KPNA7: variants seen among roughly 807,000 people sequenced by gnomAD.
KPNA7 encodes karyopherin subunit alpha 7, also known as importin subunit alpha-8.
Under a neutral mutation model 53.7 loss-of-function variants are expected in KPNA7, and 54 were observed. The ratio of observed to expected loss-of-function variants is 1.01; its 90% CI spans 0.81 to 1.26. KPNA7 has a LOEUF of 1.26. Ranked by LOEUF, KPNA7 falls within the 50% of genes most tolerant of loss-of-function variation. The pLI is 0.00. For synonymous variants in KPNA7, 276 were observed against 259.3 expected (o/e 1.06, Z -0.62); for missense variants, 640 against 644.5 (o/e 0.99, Z 0.07).
intron 5 of KPNA7, among the ~76,000 whole-genome samples, chr7:99,194,125 C>T (rs528897940): frequency 1.3e-5 from 2 of 152,232 alleles, no homozygotes; most frequent in South Asian, 2.1e-4. Context: ...TGCTAATAGT[C>T]GGCTGATCTT....
the KPNA7 span, among the ~76,000 whole-genome samples, chr7:99,160,023 T>TG: frequency 2.7e-5 from 2 of 75,298 alleles, no homozygotes; most frequent in African/African-American, 3.5e-5. Flanking sequence ...TTTTGTTTTT[T>TG]TTTTTTTTTT....
intron 9 of KPNA7, among the ~76,000 whole-genome samples, chr7:99,179,349 G>A (rs542364023): frequency 2.2e-4 from 34 of 151,956 alleles, no homozygotes; most frequent in African/African-American, 8.0e-4. Context: ...TTGAGCCCAG[G>A]ACTTTGAGAC....
At chr7:99,201,555 C>T (rs1233351947) in intron 3 of KPNA7, among the ~76,000 whole-genome samples, 17 of 150,862 alleles carry the variant, frequency 1.1e-4, no homozygotes, top group Admixed American at 9.3e-4. Context: ...CCTAGCTACT[C>T]GGGAGGCTGA....
the KPNA7 span, among the ~76,000 whole-genome samples, chr7:99,159,341 A>G: frequency 3.5e-4 from 32 of 90,372 alleles, no homozygotes; most frequent in African/African-American, 1.4e-3. Flanking sequence ...ACAGGGAGAC[A>G]CTGTCTCAAA....
At chr7:99,184,247 C>T (rs952417849) in intron 8 of KPNA7, among the ~76,000 whole-genome samples, 7 of 151,254 alleles carry the variant, frequency 4.6e-5, no homozygotes, top group Non-Finnish European at 7.4e-5. Flanking sequence ...CTTGACCTCC[C>T]GGGCTCAATT....
At chr7:99,148,937 C>A in the KPNA7 span, among the ~76,000 whole-genome samples, 1 of 149,756 alleles carries the variant, frequency 6.7e-6, no homozygotes, top group Admixed American at 6.7e-5. Context: ...GCAGTGTCGC[C>A]CAGGCTGGAG....
intron 6 of KPNA7, among the ~76,000 whole-genome samples, chr7:99,192,580 T>G (rs1305342220): frequency 2.0e-5 from 3 of 152,100 alleles, no homozygotes; most frequent in Non-Finnish European, 4.4e-5. Context: ...GCTCAGCTAA[T>G]TTTTTTATTT....
At chr7:99,160,072 T>A in the KPNA7 span, among the ~76,000 whole-genome samples, 5 of 140,220 alleles carry the variant, frequency 3.6e-5, no homozygotes, top group Non-Finnish European at 7.6e-5. Flanking sequence ...TTGCCCAGGT[T>A]GGAGTGCAGT....
the KPNA7 span, among the ~76,000 whole-genome samples, chr7:99,161,698 CCA>C: frequency 6.6e-6 from 1 of 152,134 alleles, no homozygotes; most frequent in Non-Finnish European, 1.5e-5. Flanking sequence ...CTTATGAGCT[CCA>C]GTTTACTTGG....
chr7:99,150,571 C>T, the KPNA7 span, among the ~76,000 whole-genome samples: 6,658 of 152,032 alleles, frequency 0.044, 180 homozygotes, highest in Middle Eastern at 0.068. Context: ...TGCACCACTA[C>T]GCCTGGCTAA....
At chr7:99,191,690 C>T (rs968867302) in intron 6 of KPNA7, among the ~76,000 whole-genome samples, 3 of 151,692 alleles carry the variant, frequency 2.0e-5, no homozygotes, top group Non-Finnish European at 4.4e-5. Context: ...TGCTCTGTTG[C>T]CCAGGCTGGG....
At chr7:99,186,480 G>A (rs1237237323) in intron 7 of KPNA7, among the ~76,000 whole-genome samples, 8 of 152,120 alleles carry the variant, frequency 5.3e-5, no homozygotes, top group Admixed American at 5.2e-4. Context: ...CAACTTCTTA[G>A]AGAATTTACT....
At position 99,178,259 on chromosome 7, in the gene KPNA7, C is replaced by T. The variant is rs970030973; in HGVS notation, c.1318-193G>A. Among the ~76,000 whole-genome samples the T allele has an allele frequency of 5.9e-5, 9 of 152,080 alleles. No homozygotes were observed. The East Asian group carries it at 1.2e-3, about 20-fold the overall frequency. On this transcript the variant is annotated intron_variant, in intron 9 of 10. Transcript: ENST00000327442. ...ATCTTCCTCCCACTTTAGGTATCCA[C>T]GATATATAGACATATATCATAAATA...
intron 3 of KPNA7, among the ~76,000 whole-genome samples, chr7:99,197,134 A>G (rs1210295718): frequency 6.6e-6 from 1 of 152,178 alleles, no homozygotes; most frequent in Non-Finnish European, 1.5e-5. Context: ...CAGAATTGTC[A>G]ACTGCCTGGC....
intron 8 of KPNA7, among the ~76,000 whole-genome samples, chr7:99,183,320 G>A (rs1789378941): frequency 6.6e-6 from 1 of 152,044 alleles, no homozygotes; most frequent in Non-Finnish European, 1.5e-5. Context: ...GATACAGGAG[G>A]AATTTATCTT....
chr7:99,196,033 C>T (rs1016890203), intron 4 of KPNA7, 51 bp downstream of exon 4: 12 of 1,441,046 alleles, frequency 8.3e-6, no homozygotes, highest in Middle Eastern at 1.8e-4. Context: ...CCATCACTGA[C>T]GCTCATTGCT....
the KPNA7 span, among the ~76,000 whole-genome samples, chr7:99,166,747 G>A: frequency 2.0e-5 from 3 of 151,944 alleles, no homozygotes; most frequent in African/African-American, 7.3e-5. Context: ...ACCCTCCCAA[G>A]TAGCTGGGAT....
intron 3 of KPNA7, among the ~76,000 whole-genome samples, chr7:99,201,008 A>G (rs1195834093): frequency 3.9e-5 from 6 of 152,196 alleles, no homozygotes; most frequent in African/African-American, 7.2e-5. Flanking sequence ...GTCTCTCCAT[A>G]TAACAGATTA....
chr7:99,216,759 A>G (rs1033113153), intron 1 of KPNA7, among the ~76,000 whole-genome samples: 2 of 151,992 alleles, frequency 1.3e-5, no homozygotes, highest in African/African-American at 2.4e-5. Flanking sequence ...ACAGGGTTTC[A>G]CCATGTTGGC....
Sources: gnomAD v4.1 joint callset for allele counts (sites outside exome capture counted in the v4.1 genomes callset) on GRCh38, gnomAD v4.1.1 for gene constraint, MANE v1.5 for transcripts, NCBI Gene and HGNC (gene_info 2026-07-23, HGNC 2026-07-21) for gene names.